The following DPP10 variants were observed in gnomAD, a reference collection of about 807,000 sequenced individuals.
DPP10 encodes inactive dipeptidyl peptidase 10.
In DPP10, 33 loss-of-function variants were observed where a neutral mutation model predicts 120.9. The observed-to-expected ratio is 0.27, with a 90% CI of 0.21 to 0.37. The LOEUF (loss-of-function observed/expected upper bound fraction) is 0.37. Among genes scored for constraint, DPP10 ranks in the 10% least tolerant of loss-of-function variants. DPP10 has a pLI of 1.00. For missense variants in DPP10, 816 were observed against 942.8 expected (o/e 0.87, Z 1.76); for synonymous variants, 337 against 326.1 (o/e 1.03, Z -0.36).
intron 1 of DPP10, among the ~76,000 whole-genome samples, chr2:115,212,221 C>T (rs1332319819): frequency 6.6e-6 from 1 of 152,096 alleles, no homozygotes; most frequent in East Asian, 1.9e-4. Flanking sequence ...GTGAACCTCC[C>T]TGCCTGAATC....
chr2:114,782,866 C>G (rs1331977548), intron 1 of DPP10, among the ~76,000 whole-genome samples: 3 of 151,916 alleles, frequency 2.0e-5, no homozygotes, highest in Admixed American at 2.0e-4. Flanking sequence ...GAGTGAGGAC[C>G]ACCAGACCTC....
intron 24 of DPP10, among the ~76,000 whole-genome samples, chr2:115,839,986 A>G (rs1232227296): frequency 6.6e-6 from 1 of 152,130 alleles, no homozygotes; most frequent in African/African-American, 2.4e-5. Flanking sequence ...TCTAATTTTG[A>G]ATAATAAAGC....
chr2:114,894,525 A>G (rs1344433519), intron 1 of DPP10, among the ~76,000 whole-genome samples: 2 of 152,222 alleles, frequency 1.3e-5, no homozygotes, highest in Non-Finnish European at 2.9e-5. Context: ...TATTCATTGG[A>G]ATATTAAATG....
chr2:114,952,748 A>G (rs1352361753), intron 1 of DPP10, among the ~76,000 whole-genome samples: 1 of 152,210 alleles, frequency 6.6e-6, no homozygotes, highest in Non-Finnish European at 1.5e-5. Context: ...ATACTCTATC[A>G]GGAGGAGGTA....
chr2:114,862,908 A>C (rs1335449583), intron 1 of DPP10, among the ~76,000 whole-genome samples: 1 of 93,840 alleles, frequency 1.1e-5, no homozygotes, highest in African/African-American at 3.8e-5. Context: ...AAAAAAAAAA[A>C]AAAAACCCCT....
intron 3 of DPP10, among the ~76,000 whole-genome samples, chr2:115,490,580 T>C (rs2076051646): frequency 1.3e-5 from 2 of 152,174 alleles, no homozygotes; most frequent in Admixed American, 6.5e-5. Context: ...TCAGTACTTC[T>C]TAAGAATGTT....
chr2:115,463,048 T>C (rs1012167696), intron 3 of DPP10, among the ~76,000 whole-genome samples: 2 of 152,278 alleles, frequency 1.3e-5, no homozygotes, highest in Non-Finnish European at 1.5e-5. Flanking sequence ...TTAATTAATT[T>C]ATTTTCTCTA....
rs545754762 is a variant in DPP10 at position 115,242,198 on chromosome 2, T to C, written c.61-67041T>C. On this transcript the variant is annotated intron_variant, in intron 1 of 25. Transcript: ENST00000410059. ...GTCCTCAAAGTCCATTGTATCATTC[T>C]TATGTCTTTGCATCCTCATAGTTGA... Among the ~76,000 whole-genome samples the C allele has an allele frequency of 9.2e-5, 14 of 152,304 alleles. No individual in the cohort carries two copies. In the South Asian group the frequency reaches 2.1e-3, roughly 23 times the overall value.
intron 1 of DPP10, among the ~76,000 whole-genome samples, chr2:114,956,428 T>C (rs1469840268): frequency 6.6e-6 from 1 of 151,610 alleles, no homozygotes; most frequent in Admixed American, 6.6e-5. Flanking sequence ...TTTTAAAACA[T>C]TGATGAAAAA....
intron 1 of DPP10, among the ~76,000 whole-genome samples, chr2:115,100,815 T>C (rs1227116228): frequency 1.3e-5 from 2 of 152,282 alleles, no homozygotes; most frequent in African/African-American, 2.4e-5. Flanking sequence ...CCATATCTCC[T>C]TTTTCTCAGT....
chr2:115,688,427 A>C (rs866642529), intron 5 of DPP10, among the ~76,000 whole-genome samples: 3 of 152,316 alleles, frequency 2.0e-5, no homozygotes, highest in Non-Finnish European at 4.4e-5. Flanking sequence ...GGGAGTTTTA[A>C]TTGACAGTAT....
intron 1 of DPP10, among the ~76,000 whole-genome samples, chr2:114,860,325 G>A (rs1158355553): frequency 1.3e-5 from 2 of 152,038 alleles, no homozygotes; most frequent in Non-Finnish European, 2.9e-5. Flanking sequence ...CAGAAGCTAC[G>A]CCTGTTATTT....
intron 1 of DPP10, among the ~76,000 whole-genome samples, chr2:114,474,341 A>C (rs1056574753): frequency 6.6e-6 from 1 of 152,232 alleles, no homozygotes; most frequent in Non-Finnish European, 1.5e-5. Flanking sequence ...AGGAACGTAA[A>C]ATTGCAGTTT....
At chr2:115,828,473 C>T (rs1559211200) in intron 21 of DPP10, among the ~76,000 whole-genome samples, 3 of 151,938 alleles carry the variant, frequency 2.0e-5, no homozygotes, top group South Asian at 4.2e-4. Context: ...TCCACTTTCT[C>T]AGGGATTATA....
At chr2:115,247,540 G>A (rs562568122) in intron 1 of DPP10, among the ~76,000 whole-genome samples, 2 of 152,198 alleles carry the variant, frequency 1.3e-5, no homozygotes, top group East Asian at 1.9e-4. Context: ...AGGGAAGAGC[G>A]AAAAGAGATA....
intron 1 of DPP10, among the ~76,000 whole-genome samples, chr2:114,970,493 G>C (rs1038178788): frequency 2.0e-5 from 3 of 152,074 alleles, no homozygotes; most frequent in African/African-American, 7.2e-5. Context: ...GCCACATTGA[G>C]GAGAAATAGG....
intron 1 of DPP10, among the ~76,000 whole-genome samples, chr2:115,072,237 C>T (rs1707425731): frequency 6.6e-6 from 1 of 152,064 alleles, no homozygotes; most frequent in African/African-American, 2.4e-5. Context: ...AAGAGGCTGA[C>T]AATCAGACTA....
intron 1 of DPP10, among the ~76,000 whole-genome samples, chr2:114,678,190 A>G (rs147559379): frequency 6.6e-6 from 1 of 152,236 alleles, no homozygotes; most frequent in South Asian, 2.1e-4. Flanking sequence ...AAAAACAGAC[A>G]TATTTCACTG....
intron 1 of DPP10, among the ~76,000 whole-genome samples, chr2:115,281,190 A>C (rs1259556137): frequency 6.6e-6 from 1 of 152,192 alleles, no homozygotes; most frequent in Admixed American, 6.5e-5. Flanking sequence ...TAGAAGCTAG[A>C]AATAGGTACC....
Sources: gnomAD v4.1 joint callset for allele counts (sites outside exome capture counted in the v4.1 genomes callset) on GRCh38, gnomAD v4.1.1 for gene constraint, MANE v1.5 for transcripts, NCBI Gene and HGNC (gene_info 2026-07-23, HGNC 2026-07-21) for gene names.